DHTKD1: variants seen among roughly 807,000 people sequenced by gnomAD.
The protein encoded by DHTKD1 is dehydrogenase E1 and transketolase domain containing 1, also known as 2-oxoadipate dehydrogenase complex component E1.
In DHTKD1, 78 loss-of-function variants were observed where a neutral mutation model predicts 101.8. That is an observed-to-expected ratio of 0.77 (90% CI 0.64 to 0.93). DHTKD1 has a LOEUF of 0.93. Among genes scored for constraint, DHTKD1 ranks in the 40% least tolerant of loss-of-function variants. The pLI, the probability that DHTKD1 is intolerant of heterozygous loss-of-function variation, is 0.00. For missense variants in DHTKD1, 1,223 were observed against 1,161.7 expected (o/e 1.05, Z -0.77); for synonymous variants, 462 against 450.3 (o/e 1.03, Z -0.33).
chr10:12,094,021 A>C (rs1465657073), intron 6 of DHTKD1, 52 bp from the exon 7 acceptor site: 2 of 1,451,212 alleles, frequency 1.4e-6, no homozygotes, highest in Non-Finnish European at 1.9e-6. Context: ...AGAGAGGGCC[A>C]GTGTCATTCT....
In DHTKD1 at chr10:12,081,607, AG is replaced by A. The variant is rs781305913; in HGVS notation, c.293del (p.Gly98AspfsTer9). ...PEIQALVQTL[Q>X]GPFHTAGLLN... ...ATCCAAGCCCTGGTGCAGACACTGC[AG>A]GGACCCTTCCACACGGCAGGTATGG... On this transcript the variant is annotated frameshift_variant, in exon 2 of 17. Coordinates refer to ENST00000263035, the MANE Select transcript of DHTKD1 (RefSeq NM_018706.7). LOFTEE classifies it high-confidence loss of function. 6.2e-7 allele frequency: 1 copy of A among 1,614,130 alleles called. No individual in the cohort carries two copies. Among genetic ancestry groups the A allele is most frequent in the Non-Finnish European group, 8.5e-7 (1 of 1,180,032 alleles).
Position 12,103,253 on chromosome 10 carries a change from C to T in DHTKD1, c.1896+2072C>T, listed in dbSNP as rs1326765280. On this transcript the variant is annotated intron_variant, in intron 10 of 16. Coordinates refer to ENST00000263035, the MANE Select transcript of DHTKD1 (RefSeq NM_018706.7). The surrounding 1 kb of genome is among the most constrained non-coding windows in gnomAD (Gnocchi z 4.8). ...ATAAGAGTAATTTATTATTTAATAC[C>T]ATGTCCTCTATGTGAAGACCCTGGG... is the stretch of plus-strand genomic sequence containing the variant. 6.6e-6 allele frequency among the ~76,000 whole-genome samples: 1 copy of T among 152,046 alleles called. No homozygotes were observed. The highest frequency in any genetic ancestry group is 1.5e-5 in the Non-Finnish European group (1 of 68,020).
intron 13 of DHTKD1, 60 bp downstream of exon 13, chr10:12,113,124 C>T: frequency 7.2e-7 from 1 of 1,398,404 alleles, no homozygotes; most frequent in Non-Finnish European, 9.7e-7. Flanking sequence ...CTCCATTTTT[C>T]CCTATTTTCC....
intron 1 of DHTKD1, among the ~76,000 whole-genome samples, chr10:12,073,002 C>T (rs531129423): frequency 1.1e-3 from 167 of 152,064 alleles, no homozygotes; most frequent in Non-Finnish European, 2.0e-3. Flanking sequence ...TCCCAAAGTG[C>T]TGGGATTACA....
chr10:12,084,668 G>A lies in DHTKD1; in HGVS notation c.439G>A (p.Ala147Thr), dbSNP rs1832872241. Residue 147 changes from alanine (A) to threonine (T), a missense_variant, in exon 3 of 17, where the codon GCC (alanine) becomes ACC (threonine). Physicochemically the swap from Ala to Thr is moderately conservative, Grantham distance 58. Coordinates refer to ENST00000263035, the MANE Select transcript of DHTKD1 (RefSeq NM_018706.7). ...GAGCCAGGATGAGAAAGACTGGTTT[G>A]CCAAGCGGTTTGAGGAACTGCAAAA... ...LQSQDEKDWFAKRFEELQKET... is the reference protein window; with the variant it reads ...LQSQDEKDWFTKRFEELQKET... The A allele has an allele frequency of 6.2e-7, 1 of 1,614,160 alleles. No homozygotes were observed. The highest frequency in any genetic ancestry group is 8.5e-7 in the Non-Finnish European group (1 of 1,180,028).
Position 12,084,153 on chromosome 10 carries a change from C to T in DHTKD1, c.311-387C>T, listed in dbSNP as rs189868857. On this transcript the variant is annotated intron_variant, in intron 2 of 16. Coordinates refer to ENST00000263035, the MANE Select transcript of DHTKD1 (RefSeq NM_018706.7). ...GGTCAGGCTGGGCTCGAACTCCTGA[C>T]CTCAGGAGATCCACCCGCCTTGCCT... Among the ~76,000 whole-genome samples the T allele has an allele frequency of 4.3e-3, 654 of 152,174 alleles. 7 individuals are homozygous for T. The highest frequency in any genetic ancestry group is 0.012 in the African/African-American group (490 of 41,514).
chr10:12,091,668 A>G lies in DHTKD1; in HGVS notation c.1143A>G (p.Leu381=), dbSNP rs1832992149. Residue 381 remains leucine (L), a synonymous_variant, in exon 6 of 17, where the codon TTA becomes TTG. Transcript: ENST00000263035. ...CAGCTGAAAGAGGAAGGTCTTCTTT[A>G]TACTGCAGTGATATTGGTACGTAAC... The part of the protein sequence containing the change: ...TTPAERGRSS[L]YCSDIGKLVG... The G allele has an allele frequency of 6.2e-7, 1 of 1,613,808 alleles. No individual in the cohort carries two copies. Among genetic ancestry groups the G allele is most frequent in the African/African-American group, 1.3e-5 (1 of 75,006 alleles).
rs1049388278 is a variant in DHTKD1, at chr10:12,100,411, C to T, written c.1756+149C>T. 11 of 506,340 alleles carry T rather than the reference C, an allele frequency of 2.2e-5. 1 individual carries two copies. In the East Asian group the frequency reaches 2.5e-4, roughly 12 times the overall value. 31.4% of individuals were successfully genotyped at this position (506,340 alleles called of 1,614,324 possible). On this transcript the variant is annotated intron_variant, in intron 9 of 16. Transcript: ENST00000263035. ...TCCTGCCCCAGCCTCCCAAGTAGGG[C>T]GCACCACCATGCCCAGCTAATTTTT...
At chr10:12,101,610 T>TG (rs1482683647) in intron 10 of DHTKD1, among the ~76,000 whole-genome samples, 4 of 152,182 alleles carry the variant, frequency 2.6e-5, no homozygotes, top group Non-Finnish European at 5.9e-5. Flanking sequence ...TGTATTTCTT[T>TG]CTTTTTTTTC....
At chr10:12,112,434 C>T (rs919807154) in intron 12 of DHTKD1, among the ~76,000 whole-genome samples, 1 of 152,022 alleles carries the variant, frequency 6.6e-6, no homozygotes, top group African/African-American at 2.4e-5. Context: ...TGAGATTTAA[C>T]TTCCTTGCCC....
chr10:12,076,023 A>G (rs1832722705), intron 1 of DHTKD1, among the ~76,000 whole-genome samples: 1 of 150,972 alleles, frequency 6.6e-6, no homozygotes, highest in Non-Finnish European at 1.5e-5. Context: ...CCCTAATTTT[A>G]CTTTTTCCCA....
intron 13 of DHTKD1, among the ~76,000 whole-genome samples, chr10:12,117,304 CTTTT>C (rs71382683): frequency 8.4e-5 from 6 of 71,570 alleles, no homozygotes; most frequent in Admixed American, 3.7e-4. Context: ...GCCACGGCAC[CTTTT>C]TTTTTTTTTT....
chr10:12,111,691 T>G lies in DHTKD1; in HGVS notation c.2155-1209T>G, dbSNP rs908416411. Among the ~76,000 whole-genome samples the G allele has an allele frequency of 3.3e-5, 5 of 152,114 alleles. No homozygotes were observed. In the South Asian group the frequency reaches 1.0e-3, roughly 31 times the overall value. On this transcript the variant is annotated intron_variant, in intron 12 of 16. Coordinates refer to ENST00000263035, the MANE Select transcript of DHTKD1 (RefSeq NM_018706.7). ...CAGAGAAGATGAGTGCAAGTGAGAA[T>G]GTGTGTGTAGATGGTCTGAGGACAT...
At position 12,097,718 on chromosome 10, in the gene DHTKD1, C is replaced by T; in HGVS notation, c.1393C>T (p.His465Tyr). The change falls in exon 8 of 17, where the codon CAC (histidine) becomes TAC (tyrosine). Residue 465 changes from histidine to tyrosine, a missense_variant. Transcript: ENST00000263035. ...GAGCATTCCAGACACATATGCAGAG[C>T]ACCTCATTGCTGGCGGACTCATGAC... ...RKSIPDTYAE[H>Y]LIAGGLMTQE... is the part of the protein sequence containing the mutation. The T allele has an allele frequency of 6.2e-7, 1 of 1,613,908 alleles. No individual in the cohort carries two copies. Among genetic ancestry groups the T allele is most frequent in the Non-Finnish European group, 8.5e-7 (1 of 1,179,852 alleles).
chr10:12,070,576 T>G (rs1832637078), intron 1 of DHTKD1, among the ~76,000 whole-genome samples: 2 of 152,310 alleles, frequency 1.3e-5, no homozygotes, highest in Middle Eastern at 3.4e-3. Context: ...GCAACCTCTG[T>G]CTTCTGGGTT....
intron 10 of DHTKD1, among the ~76,000 whole-genome samples, chr10:12,102,496 G>A (rs551518708): frequency 1.3e-5 from 2 of 151,552 alleles, no homozygotes; most frequent in South Asian, 2.1e-4. Context: ...GGGATATGGA[G>A]CTCATCTTTT....
intron 2 of DHTKD1, 96 bp from the exon 3 acceptor site, chr10:12,084,444 G>T (rs1386932634): frequency 1.2e-6 from 1 of 809,720 alleles, no homozygotes; most frequent in African/African-American, 1.7e-5. Flanking sequence ...AAACATTGGG[G>T]TTAATTTAGA....
chr10:12,079,398 G>C (rs909074186), intron 1 of DHTKD1, among the ~76,000 whole-genome samples: 1 of 152,176 alleles, frequency 6.6e-6, no homozygotes, highest in Non-Finnish European at 1.5e-5. Flanking sequence ...AGCTGGGTGC[G>C]GTGGCTCATG....
intron 1 of DHTKD1, among the ~76,000 whole-genome samples, chr10:12,069,785 A>C (rs7074304): frequency 0.37 from 53,771 of 145,426 alleles, 10,455 homozygotes; most frequent in South Asian, 0.48. Flanking sequence ...CTGATCCTGC[A>C]GCCTCGGCCT....
Sources: allele counts gnomAD v4.1 joint callset (sites outside exome capture counted in the v4.1 genomes callset), GRCh38; gene constraint gnomAD v4.1.1; non-coding constraint Gnocchi (gnomAD v3.1); transcripts MANE v1.5; gene names NCBI Gene and HGNC (gene_info 2026-07-23, HGNC 2026-07-21).